TBC1D22A: variants seen among roughly 807,000 people sequenced by gnomAD.
TBC1D22A encodes the protein putative GTPase activator.
Under a neutral mutation model 60.2 loss-of-function variants are expected in TBC1D22A, and 38 were observed. That is an observed-to-expected ratio of 0.63 (90% CI 0.49 to 0.83). TBC1D22A has a LOEUF of 0.83. Among genes scored for constraint, TBC1D22A ranks in the 40% least tolerant of loss-of-function variants. The pLI, the probability that TBC1D22A is intolerant of heterozygous loss-of-function variation, is 0.00. For missense variants in TBC1D22A, 628 were observed against 701.0 expected, an observed-to-expected ratio of 0.90 and a Z score of 1.18; for synonymous variants, 302 against 281.7, an observed-to-expected ratio of 1.07 and a Z score of -0.72.
chr22:46,896,952 G>C (rs2068711335), intron 7 of TBC1D22A, among the ~76,000 whole-genome samples: 1 of 152,096 alleles, frequency 6.6e-6, no homozygotes, highest in South Asian at 2.1e-4. Context: ...ACAGTTTTTA[G>C]TTTGGGAGAA....
intron 12 of TBC1D22A, among the ~76,000 whole-genome samples, chr22:47,114,421 G>A (rs1019806190): frequency 6.6e-6 from 1 of 151,988 alleles, no homozygotes; most frequent in African/African-American, 2.4e-5. Context: ...ATGCCATAGG[G>A]GTTGGATGGA....
intron 11 of TBC1D22A, among the ~76,000 whole-genome samples, chr22:47,098,019 A>T (rs2147654487): frequency 6.6e-6 from 1 of 152,206 alleles, no homozygotes; most frequent in Non-Finnish European, 1.5e-5. Flanking sequence ...CTCTCATGGC[A>T]TGCTGGCTGC....
chr22:46,893,862 G>T (rs1430354045), intron 6 of TBC1D22A, among the ~76,000 whole-genome samples: 1 of 152,196 alleles, frequency 6.6e-6, no homozygotes, highest in Admixed American at 6.5e-5. Context: ...ACTCCATTTG[G>T]CTGTTGACTC....
intron 12 of TBC1D22A, among the ~76,000 whole-genome samples, chr22:47,172,034 CCTACCCA>C (rs1170873493): frequency 6.2e-5 from 6 of 96,906 alleles, no homozygotes; most frequent in African/African-American, 2.2e-4. Flanking sequence ...TCCCAGTGAG[CCTACCCA>C]GCACTCCCAG....
chr22:46,949,346 G>C (rs1329122158), intron 8 of TBC1D22A, among the ~76,000 whole-genome samples: 1 of 152,174 alleles, frequency 6.6e-6, no homozygotes, highest in Non-Finnish European at 1.5e-5. Context: ...CCCATTCTCA[G>C]GGAAACCTAT....
At chr22:46,867,950 A>G (rs2067132832) in intron 4 of TBC1D22A, among the ~76,000 whole-genome samples, 1 of 152,180 alleles carries the variant, frequency 6.6e-6, no homozygotes, top group Admixed American at 6.5e-5. Flanking sequence ...TCACTGAGAA[A>G]ACAAAAACCA....
chr22:46,885,556 C>T (rs942314409), intron 5 of TBC1D22A, among the ~76,000 whole-genome samples: 13 of 152,286 alleles, frequency 8.5e-5, no homozygotes, highest in South Asian at 2.1e-4. Flanking sequence ...TGCCAAGAGA[C>T]GGACAGGCTT....
At chr22:46,912,533 A>AGTCT (rs60462275) in intron 8 of TBC1D22A, among the ~76,000 whole-genome samples, 4 of 151,950 alleles carry the variant, frequency 2.6e-5, no homozygotes, top group Admixed American at 6.6e-5. Flanking sequence ...TCAGTCAATC[A>AGTCT]GTCTGTCTGT....
At chr22:47,073,181 A>G (rs1341895908) in intron 11 of TBC1D22A, among the ~76,000 whole-genome samples, 1 of 152,244 alleles carries the variant, frequency 6.6e-6, no homozygotes, top group Non-Finnish European at 1.5e-5. Context: ...GACTTGGCGA[A>G]GAAATAGACA....
intron 11 of TBC1D22A, among the ~76,000 whole-genome samples, chr22:47,045,776 T>C (rs1210001638): frequency 1.3e-5 from 2 of 152,096 alleles, no homozygotes; most frequent in African/African-American, 4.8e-5. Flanking sequence ...CAGCAACCTG[T>C]GAGTGGACCA....
At chr22:47,073,788 A>G (rs1049179005) in intron 11 of TBC1D22A, among the ~76,000 whole-genome samples, 17 of 152,228 alleles carry the variant, frequency 1.1e-4, no homozygotes, top group African/African-American at 3.9e-4. Context: ...AGTAGGCCTT[A>G]AAGACACCAC....
intron 8 of TBC1D22A, chr22:46,914,906 AG>A (rs72097869): frequency 0.041 from 6,695 of 161,524 alleles, 213 homozygotes; most frequent in African/African-American, 0.091. Flanking sequence ...GGGCTGCTGT[AG>A]GGACCTGTCC....
chr22:46,974,835 T>A (rs1210583592), intron 9 of TBC1D22A, among the ~76,000 whole-genome samples: 1 of 152,192 alleles, frequency 6.6e-6, no homozygotes, highest in Non-Finnish European at 1.5e-5. Flanking sequence ...TGGCCAGGGC[T>A]CCAGGTGCGT....
chr22:46,844,988 T>TC (rs1298764113), intron 4 of TBC1D22A, among the ~76,000 whole-genome samples: 3 of 152,008 alleles, frequency 2.0e-5, no homozygotes, highest in Admixed American at 1.3e-4. Flanking sequence ...GAGAAGGGAG[T>TC]CCTGTCTGTG....
At chr22:47,043,458 G>A (rs897439458) in intron 11 of TBC1D22A, among the ~76,000 whole-genome samples, 1 of 152,198 alleles carries the variant, frequency 6.6e-6, no homozygotes, top group African/African-American at 2.4e-5. Context: ...AAAAGCTGTT[G>A]TGGGGACTGA....
chr22:47,165,176 T>C (rs949454610), intron 12 of TBC1D22A, among the ~76,000 whole-genome samples: 1 of 152,046 alleles, frequency 6.6e-6, no homozygotes, highest in Non-Finnish European at 1.5e-5. Context: ...CCAGGGCTCG[T>C]GATTGCCAGG....
intron 11 of TBC1D22A, among the ~76,000 whole-genome samples, chr22:47,103,140 T>G (rs2065485473): frequency 6.6e-6 from 1 of 152,194 alleles, no homozygotes; most frequent in Admixed American, 6.5e-5. Context: ...TTCCCCAGGC[T>G]CCTGGTAACC....
At chr22:47,162,472 C>A (rs1251936638) in intron 12 of TBC1D22A, among the ~76,000 whole-genome samples, 1 of 152,204 alleles carries the variant, frequency 6.6e-6, no homozygotes, top group African/African-American at 2.4e-5. Context: ...TCCTGCATAG[C>A]CCAGGGACAT....
rs1435699361 is a variant in TBC1D22A, at chr22:46,941,508, T to G, written c.1015+29320T>G. On this transcript the variant is annotated intron_variant, in intron 8 of 12. Coordinates refer to ENST00000337137, the MANE Select transcript of TBC1D22A (RefSeq NM_014346.5). ...GGAATATATATACACGGAATATATA[T>G]ACGGAATATATATACACGGAATATA... is the stretch of plus-strand genomic sequence containing the variant. 3.7e-4 allele frequency among the ~76,000 whole-genome samples: 53 copies of G among 143,872 alleles called. 1 individual carries two copies. Among genetic ancestry groups the G allele is most frequent in the African/African-American group, 1.3e-3 (51 of 38,706 alleles). The allele number at this position is 143,872 out of a possible 152,430, so 94.4% of individuals were successfully genotyped here.
Sources: allele counts gnomAD v4.1 joint callset (sites outside exome capture counted in the v4.1 genomes callset), GRCh38; gene constraint gnomAD v4.1.1; transcripts MANE v1.5; gene names NCBI Gene and HGNC (gene_info 2026-07-23, HGNC 2026-07-21).